Variants in PCDHGA3 observed in about 807,000 individuals in gnomAD.
PCDHGA3 encodes the protein protocadherin gamma subfamily A, 3.
PCDHGA3 carries 40 observed loss-of-function variants against 58.5 expected under a neutral mutation model. That is an observed-to-expected ratio of 0.68 (90% CI 0.53 to 0.89). The LOEUF (loss-of-function observed/expected upper bound fraction) is 0.89. Among genes scored for constraint, PCDHGA3 ranks in the 40% least tolerant of loss-of-function variants. PCDHGA3 has a pLI of 0.00. For missense variants in PCDHGA3, 1,223 were observed against 1,195.9 expected (o/e 1.02, Z -0.33); for synonymous variants, 530 against 525.7 (o/e 1.01, Z -0.11).
chr5:141,421,749 C>T, intron 1 of PCDHGA3: 1 of 1,613,918 alleles, frequency 6.2e-7, no homozygotes, highest in Non-Finnish European at 8.5e-7. Flanking sequence ...ACCAGCTCAG[C>T]CCTAATAATT....
intron 1 of PCDHGA3, chr5:141,351,714 A>C: frequency 6.2e-7 from 1 of 1,613,242 alleles, no homozygotes. Flanking sequence ...AGAGTCTCCT[A>C]CTCTATTCTG....
At chr5:141,372,999 A>T (rs978002014) in intron 1 of PCDHGA3, among the ~76,000 whole-genome samples, 9 of 152,148 alleles carry the variant, frequency 5.9e-5, no homozygotes, top group Non-Finnish European at 7.3e-5. Flanking sequence ...TTGTTCTTTC[A>T]TAGAAAGCCT....
rs2097383894 is a variant in PCDHGA3, at chr5:141,431,489, C to T, written c.2425-63318C>T. On this transcript the variant is annotated intron_variant, in intron 1 of 3. Transcript: ENST00000253812. This position sits in a 1 kb window ranked among gnomAD's most constrained non-coding sequence, Gnocchi z 4.8. ...GAACGACAACGCACCAGCGTTTGCTCAGCCCGAGTACCGCGCGAGCGTTCC... is the reference window on the plus strand; with the variant it reads ...GAACGACAACGCACCAGCGTTTGCTTAGCCCGAGTACCGCGCGAGCGTTCC... The T allele has an allele frequency of 1.2e-6, 2 of 1,613,850 alleles. No homozygotes were observed. The highest frequency in any genetic ancestry group is 3.3e-5 in the Admixed American group (2 of 60,016).
At chr5:141,373,945 C>A in intron 1 of PCDHGA3, 1 of 765,672 alleles carries the variant, frequency 1.3e-6, no homozygotes, top group Non-Finnish European at 1.9e-6. Flanking sequence ...GAAAGCTGTG[C>A]AGAAATTCTG....
chr5:141,377,582 T>A (rs1774132578), intron 1 of PCDHGA3: 1 of 150,722 alleles, frequency 6.6e-6, no homozygotes. Flanking sequence ...GGAGACAGAA[T>A]GAGACTTTTT....
intron 1 of PCDHGA3, among the ~76,000 whole-genome samples, chr5:141,424,964 A>G (rs62378457): frequency 0.11 from 16,148 of 152,126 alleles, 960 homozygotes; most frequent in African/African-American, 0.17. Flanking sequence ...ATTTGCCCCA[A>G]ATTACTTGGA....
At chr5:141,392,730 C>T (rs1374381872) in intron 1 of PCDHGA3, 10 of 1,409,212 alleles carry the variant, frequency 7.1e-6, no homozygotes, top group Non-Finnish European at 8.4e-6. Context: ...GGAGGATTGT[C>T]ATCTCCATAG....
At chr5:141,415,185 C>T (rs375113497) in intron 1 of PCDHGA3, 2 of 1,613,978 alleles carry the variant, frequency 1.2e-6, no homozygotes, top group Non-Finnish European at 8.5e-7. Flanking sequence ...CCGTGGCCGA[C>T]AGCATCCCCC....
At chr5:141,400,161 T>A (rs1271912348) in intron 1 of PCDHGA3, 1 of 1,614,084 alleles carries the variant, frequency 6.2e-7, no homozygotes, top group South Asian at 1.1e-5. Flanking sequence ...CTGTACCCTC[T>A]GACCCCCAGG....
At chr5:141,505,576 T>C in intron 3 of PCDHGA3, 95 bp downstream of exon 3, 5 of 1,590,334 alleles carry the variant, frequency 3.1e-6, no homozygotes, top group Admixed American at 1.7e-5. Context: ...ATGTCAAACC[T>C]GTGTAGTTTC....
chr5:141,431,020 G>A lies in PCDHGA3; in HGVS notation c.2425-63787G>A, dbSNP rs941765907. On this transcript the variant is annotated intron_variant, in intron 1 of 3. Transcript: ENST00000253812. This position sits in a 1 kb window ranked among gnomAD's most constrained non-coding sequence, Gnocchi z 4.8. ...CGCGCAGCGGCAGCTTGGTCACGGC[G>A]GGCAGGATAGACCGGGAGGAGCTCT... The A allele has an allele frequency of 9.9e-6, 16 of 1,614,050 alleles. No homozygotes were observed. Among genetic ancestry groups the A allele is most frequent in the East Asian group, 4.5e-5 (2 of 44,886 alleles).
intron 1 of PCDHGA3, chr5:141,355,824 C>T (rs1359951583): frequency 1.9e-6 from 3 of 1,612,804 alleles, no homozygotes; most frequent in Non-Finnish European, 2.5e-6. Context: ...AGGCGGTTCA[C>T]CACCTCGTTC....
At chr5:141,424,960 C>T (rs1291822416) in intron 1 of PCDHGA3, among the ~76,000 whole-genome samples, 1 of 152,102 alleles carries the variant, frequency 6.6e-6, no homozygotes, top group African/African-American at 2.4e-5. Context: ...AGGTATTTGC[C>T]CCAAATTACT....
Position 141,344,047 on chromosome 5 carries a change from TGA to T in PCDHGA3, c.16_17del (p.Ser6PhefsTer31), listed in dbSNP as rs1326553890. On this transcript the variant is annotated frameshift_variant, in exon 1 of 4. Transcript: ENST00000253812. LOFTEE classifies it high-confidence loss of function. The stretch of plus-strand genomic sequence containing the variant: ...ACCGAAAAGGAAATGACCAATTGCC[TGA>T]GTTTCCGAAATGGCAGAGGACTGGC... The T allele has an allele frequency of 1.3e-6, 2 of 1,556,846 alleles. No individual in the cohort carries two copies. The highest frequency in any genetic ancestry group is 2.8e-5 in the African/African-American group (2 of 72,586).
At chr5:141,389,573 C>T (rs778800357) in intron 1 of PCDHGA3, 2 of 1,613,242 alleles carry the variant, frequency 1.2e-6, no homozygotes, top group African/African-American at 1.3e-5. Flanking sequence ...TGCTGTACCC[C>T]GCGCTGGGTC....
chr5:141,394,066 A>T (rs1589216611), intron 1 of PCDHGA3: 1 of 1,613,738 alleles, frequency 6.2e-7, no homozygotes, highest in Admixed American at 1.7e-5. Context: ...GTCTCTATCT[A>T]CAATATCACA....
intron 1 of PCDHGA3, chr5:141,411,753 A>G (rs1006054735): frequency 6.5e-5 from 10 of 152,756 alleles, no homozygotes; most frequent in African/African-American, 2.4e-4. Context: ...GTGGTGGCAC[A>G]TGCCTGTGGT....
intron 1 of PCDHGA3, chr5:141,423,913 C>T: frequency 7.9e-7 from 1 of 1,269,552 alleles, no homozygotes; most frequent in Non-Finnish European, 1.0e-6. Context: ...AGGGGCCATT[C>T]AACTATGCTG....
intron 1 of PCDHGA3, chr5:141,414,628 A>T (rs1471507988): frequency 4.3e-6 from 7 of 1,613,900 alleles, no homozygotes; most frequent in Non-Finnish European, 5.9e-6. Flanking sequence ...GGACCCGGAC[A>T]GCAAAGAGAA....
Sources: gnomAD v4.1 joint callset for allele counts (sites outside exome capture counted in the v4.1 genomes callset) on GRCh38, gnomAD v4.1.1 for gene constraint, Gnocchi (gnomAD v3.1) non-coding constraint, MANE v1.5 for transcripts, NCBI Gene and HGNC (gene_info 2026-07-23, HGNC 2026-07-21) for gene names.